The following PRKACB variants were observed in gnomAD, a reference collection of about 807,000 sequenced individuals.
PRKACB encodes the protein cAMP-dependent protein kinase catalytic subunit beta.
In PRKACB, 16 loss-of-function variants were observed where a neutral mutation model predicts 51.4. The observed-to-expected ratio is 0.31, with a 90% CI of 0.21 to 0.47. The LOEUF is 0.47. PRKACB is among the 20% of genes least tolerant of loss of function. The pLI, the probability that PRKACB is intolerant of heterozygous loss-of-function variation, is 1.00. For synonymous variants in PRKACB, 147 were observed against 154.4 expected (o/e 0.95, Z 0.35); for missense variants, 309 against 464.5 (o/e 0.67, Z 3.08).
In PRKACB at chr1:84,164,463, A is replaced by G. The variant is rs1382928992; in HGVS notation, c.188-14714A>G. ...AAACAGCAATTTTTTCATATCTTTG[A>G]AAGATGTAAAAAGCGTAGATTAGTG... On this transcript the variant is annotated intron_variant, in intron 1 of 9. Transcript: ENST00000370685. 4 of 1,550,966 alleles carry G rather than the reference A, an allele frequency of 2.6e-6. No homozygotes were observed. The African/African-American group carries it at 4.1e-5, about 16-fold the overall frequency.
intron 9 of PRKACB, among the ~76,000 whole-genome samples, chr1:84,219,788 A>G (rs958694843): frequency 1.3e-5 from 2 of 151,712 alleles, no homozygotes; most frequent in African/African-American, 4.8e-5. Flanking sequence ...TGGGTTCTCT[A>G]TTCTGTTCCA....
chr1:84,112,100 A>C (rs893038073), intron 1 of PRKACB, among the ~76,000 whole-genome samples: 9 of 152,172 alleles, frequency 5.9e-5, no homozygotes, highest in African/African-American at 1.9e-4. Context: ...ACACAAGATT[A>C]AATGATTAGT....
intron 1 of PRKACB, among the ~76,000 whole-genome samples, chr1:84,147,977 G>T (rs968333382): frequency 3.3e-5 from 5 of 152,114 alleles, no homozygotes; most frequent in Non-Finnish European, 7.4e-5. Flanking sequence ...AGAGCCTAAA[G>T]ATTTTAACTA....
chr1:84,080,254 A>C (rs1269843593), intron 1 of PRKACB, among the ~76,000 whole-genome samples: 1 of 152,188 alleles, frequency 6.6e-6, no homozygotes, highest in African/African-American at 2.4e-5. Context: ...TTACCAAAAC[A>C]ATTCTCCCTT....
At chr1:84,122,938 T>C (rs1406431487) in intron 1 of PRKACB, among the ~76,000 whole-genome samples, 1 of 152,174 alleles carries the variant, frequency 6.6e-6, no homozygotes, top group Non-Finnish European at 1.5e-5. Context: ...GTAATGACAA[T>C]AAAAGATTTT....
At chr1:84,225,618 G>A (rs1349224220) in intron 9 of PRKACB, among the ~76,000 whole-genome samples, 1 of 152,136 alleles carries the variant, frequency 6.6e-6, no homozygotes, top group African/African-American at 2.4e-5. Context: ...CTTGGGTCCT[G>A]GGGGTGGGTG....
chr1:84,166,304 A>G (rs950485962), intron 1 of PRKACB, among the ~76,000 whole-genome samples: 42 of 151,748 alleles, frequency 2.8e-4, no homozygotes, highest in African/African-American at 9.4e-4. Context: ...GTTGTCATAC[A>G]TATATTTATT....
chr1:84,152,219 G>A (rs1654934897), intron 1 of PRKACB, among the ~76,000 whole-genome samples: 2 of 152,128 alleles, frequency 1.3e-5, no homozygotes, highest in Admixed American at 1.3e-4. Context: ...GCTTAAAATA[G>A]TAAACAATGC....
At chr1:84,209,276 T>C (rs960250216) in intron 8 of PRKACB, among the ~76,000 whole-genome samples, 2 of 152,188 alleles carry the variant, frequency 1.3e-5, no homozygotes, top group Non-Finnish European at 2.9e-5. Flanking sequence ...TCCATACTCT[T>C]GTATCTAGTT....
At chr1:84,079,181 A>G (rs539224867) in intron 1 of PRKACB, among the ~76,000 whole-genome samples, 2 of 152,300 alleles carry the variant, frequency 1.3e-5, no homozygotes, top group African/African-American at 4.8e-5. Context: ...GTGCATGTAT[A>G]CACATGCATA....
intron 1 of PRKACB, among the ~76,000 whole-genome samples, chr1:84,097,217 C>T (rs74685488): frequency 0.032 from 4,847 of 152,006 alleles, 102 homozygotes; most frequent in Middle Eastern, 0.065. Context: ...CATTTTTGTG[C>T]ATTTTCATAC....
chr1:84,133,355 G>A (rs1251608634), intron 1 of PRKACB, among the ~76,000 whole-genome samples: 2 of 151,916 alleles, frequency 1.3e-5, no homozygotes, highest in East Asian at 1.9e-4. Context: ...GTTATTCATT[G>A]CCAACAGACC....
intron 1 of PRKACB, chr1:84,164,929 C>G: frequency 1.3e-6 from 2 of 1,525,288 alleles, no homozygotes; most frequent in East Asian, 5.0e-5. Flanking sequence ...GTTCTTCTCC[C>G]TCTAGAGATT....
rs778642333 is a variant in PRKACB at position 84,144,397 on chromosome 1, T to G, written c.36T>G (p.Tyr12Ter). ...ATAGAGAACCACCTTGTAACCAGTA[T>G]ACAGGTACAACTACAGCTCTTCAGA... ...AAYREPPCNQ[Y>*]TGTTTALQKL... The change falls in exon 1 of 10, where the codon TAT (tyrosine) becomes TAG (stop). Residue 12 changes from tyrosine (Y) to a stop codon, truncating the protein, a stop_gained. Transcript: ENST00000370685. LOFTEE classifies it high-confidence loss of function. The G allele has an allele frequency of 3.3e-5, 53 of 1,613,190 alleles. No homozygotes were observed. Among genetic ancestry groups the G allele is most frequent in the Non-Finnish European group, 4.2e-5 (50 of 1,179,650 alleles).
intron 8 of PRKACB, among the ~76,000 whole-genome samples, chr1:84,211,200 A>G (rs934068124): frequency 3.1e-4 from 47 of 152,064 alleles, no homozygotes; most frequent in Non-Finnish European, 6.0e-4. Context: ...AAAATAAAGA[A>G]TTACATTATT....
intron 2 of PRKACB, chr1:84,181,539 T>C (rs1416612326): frequency 2.0e-6 from 1 of 508,264 alleles, no homozygotes; most frequent in Non-Finnish European, 3.1e-6. Context: ...GTCTGATTAT[T>C]GTTCTGGGAT....
At chr1:84,203,934 G>A (rs922631461) in intron 8 of PRKACB, among the ~76,000 whole-genome samples, 3 of 151,928 alleles carry the variant, frequency 2.0e-5, no homozygotes, top group African/African-American at 7.2e-5. Flanking sequence ...TAGTGTGAAA[G>A]CTTACCCTTG....
At chr1:84,086,011 C>T (rs1202484674) in intron 1 of PRKACB, 2 of 797,476 alleles carry the variant, frequency 2.5e-6, no homozygotes, top group African/African-American at 3.4e-5. Context: ...GTGGACCCTG[C>T]AAGATCCTGG....
At chr1:84,199,116 C>CATATAT (rs199699646) in intron 7 of PRKACB, among the ~76,000 whole-genome samples, 5 of 101,512 alleles carry the variant, frequency 4.9e-5, no homozygotes, top group South Asian at 5.5e-4. Flanking sequence ...TATATATATG[C>CATATAT]ATATATATAT....
Sources: gnomAD v4.1 joint callset for allele counts (sites outside exome capture counted in the v4.1 genomes callset) on GRCh38, gnomAD v4.1.1 for gene constraint, MANE v1.5 for transcripts, NCBI Gene and HGNC (gene_info 2026-07-23, HGNC 2026-07-21) for gene names.